The following IFT46 variants were observed in gnomAD, a reference collection of about 807,000 sequenced individuals.
IFT46 encodes intraflagellar transport protein 46 homolog.
In IFT46, 19 loss-of-function variants were observed where a neutral mutation model predicts 39.6. The observed-to-expected ratio is 0.48, with a 90% CI of 0.33 to 0.70. The LOEUF (loss-of-function observed/expected upper bound fraction) is 0.70, where lower values mean the gene tolerates loss of function less well. Ranked by LOEUF, IFT46 falls within the 30% of genes least tolerant of loss-of-function variation. The pLI, the probability that IFT46 is intolerant of heterozygous loss-of-function variation, is 0.01. For missense variants in IFT46, 334 were observed against 364.8 expected, an observed-to-expected ratio of 0.92 and a Z score of 0.69; for synonymous variants, 117 against 134.8, an observed-to-expected ratio of 0.87 and a Z score of 0.91.
chr11:118,560,038 A>G (rs1435716074), intron 2 of IFT46, 174 bp from the exon 3 acceptor site: 25 of 597,772 alleles, frequency 4.2e-5, no homozygotes, highest in Admixed American at 3.0e-4. Flanking sequence ...GTTCAATTCA[A>G]GATATATTTA....
chr11:118,553,722 T>G (rs1360348135), intron 7 of IFT46, among the ~76,000 whole-genome samples: 1 of 152,190 alleles, frequency 6.6e-6, no homozygotes, highest in African/African-American at 2.4e-5. Flanking sequence ...CAAAGCACCA[T>G]TATTAATAAG....
chr11:118,559,821 A>G lies in IFT46; in HGVS notation c.9T>C (p.Asp3=), dbSNP rs1555070263. 6.2e-7 allele frequency: 1 copy of G among 1,613,458 alleles called. No individual in the cohort carries two copies. Among genetic ancestry groups the G allele is most frequent in the Non-Finnish European group, 8.5e-7 (1 of 1,179,478 alleles). ...CCTCTTCACACTCATCACTGCTGTT[A>G]TCAGCCATAGCCTTGTTAGGAAGAT... MA[D]NSSDECEEEN... is the part of the protein sequence containing the mutation. Residue 3 remains aspartate, a synonymous_variant, in exon 3 of 12, where the codon GAT becomes GAC. Transcript: ENST00000264021.
chr11:118,556,863 G>A (rs1555069584), intron 4 of IFT46, 43 bp downstream of exon 4: 4 of 1,466,744 alleles, frequency 2.7e-6, no homozygotes, highest in Non-Finnish European at 3.6e-6. Context: ...TTTTGAAGGA[G>A]GTATTCTGAA....
chr11:118,551,773 A>G lies in IFT46; in HGVS notation c.672+13T>C, dbSNP rs782177052. The G allele has an allele frequency of 1.2e-6, 2 of 1,609,804 alleles. No individual in the cohort carries two copies. The highest frequency in any genetic ancestry group is 3.3e-5 in the Admixed American group (2 of 59,950). On this transcript the variant is annotated intron_variant, in intron 9 of 11. Transcript: ENST00000264021. The stretch of plus-strand genomic sequence containing the variant: ...GTACTTTCTTACCCTACCTCCTGCT[A>G]CCTTCCACTCACCTTGCCCAAAAGC...
upstream of IFT46, among the ~76,000 whole-genome samples, chr11:118,570,735 G>A (rs782143508): frequency 1.3e-5 from 2 of 152,120 alleles, no homozygotes; most frequent in Non-Finnish European, 2.9e-5. Flanking sequence ...GAAACTTTGG[G>A]TAAGTCACTT....
chr11:118,570,470 T>C (rs1555072179), upstream of IFT46, among the ~76,000 whole-genome samples: 1 of 152,170 alleles, frequency 6.6e-6, no homozygotes, highest in East Asian at 1.9e-4. Flanking sequence ...ATGTAAAAGA[T>C]TGGAAATAAC....
At chr11:118,546,267 G>T in intron 9 of IFT46, 1 of 680,774 alleles carries the variant, frequency 1.5e-6, no homozygotes. Context: ...GGAGGTTGAG[G>T]TGGGCAGATC....
intron 9 of IFT46, among the ~76,000 whole-genome samples, chr11:118,547,912 A>G (rs1309920141): frequency 2.0e-5 from 3 of 149,616 alleles, no homozygotes; most frequent in African/African-American, 7.4e-5. Context: ...GCGCCCGGCT[A>G]ATTTTTTGTA....
rs112743036 is a variant in IFT46 at position 118,561,488 on chromosome 11, T to C, written c.-35-1624A>G. ...AGAAGTTAAAAAGAATAGGTGGAAC[T>C]GTCCCAAAATGTCCCTTGCTCAGAA... On this transcript the variant is annotated intron_variant, in intron 2 of 11. Transcript: ENST00000264021. 4,307 of 766,014 alleles carry C rather than the reference T, an allele frequency of 5.6e-3. 165 individuals are homozygous for C. The African/African-American group carries it at 0.063, about 11-fold the overall frequency. The allele number at this position is 766,014 out of a possible 1,614,324, so 47.5% of individuals were successfully genotyped here.
rs782769687 is a variant in IFT46, at chr11:118,552,209, C to A, written c.605+5G>T. 57 of 1,613,836 alleles carry A rather than the reference C, an allele frequency of 3.5e-5. No homozygotes were observed. Among genetic ancestry groups the A allele is most frequent in the Middle Eastern group, 1.6e-4 (1 of 6,078 alleles). ...TACTGTTGCAAAGAATGTGGTATTT[C>A]TTACCTGGTGTAGTGCACAGTCGCA... On this transcript the variant is annotated splice_donor_5th_base_variant and intron_variant, in intron 8 of 11. Coordinates refer to ENST00000264021, the MANE Select transcript of IFT46 (RefSeq NM_001168618.2).
At chr11:118,568,395 T>C (rs1258869196), upstream of IFT46, among the ~76,000 whole-genome samples, 4 of 151,642 alleles carry the variant, frequency 2.6e-5, no homozygotes, top group Non-Finnish European at 5.9e-5. Flanking sequence ...CTACTAAAAA[T>C]ACAAAAATTA....
intron 2 of IFT46, among the ~76,000 whole-genome samples, chr11:118,562,934 G>A (rs1938109007): frequency 1.3e-5 from 2 of 152,068 alleles, no homozygotes; most frequent in South Asian, 2.1e-4. Context: ...GTGTGGTGGT[G>A]TGCACCTGTA....
chr11:118,545,559 T>C, intron 10 of IFT46, 65 bp from the exon 11 acceptor site: 1 of 1,379,330 alleles, frequency 7.2e-7, no homozygotes, highest in Non-Finnish European at 1.0e-6. Context: ...GGCCCTTCTG[T>C]CTAGCACAGG....
chr11:118,570,223 T>A (rs1206561539), upstream of IFT46, among the ~76,000 whole-genome samples: 2 of 151,356 alleles, frequency 1.3e-5, no homozygotes, highest in African/African-American at 4.9e-5. Context: ...CCAGCTAATT[T>A]TTTTTTTTTT....
intron 11 of IFT46, 24 bp downstream of exon 11, chr11:118,545,385 G>A (rs1555066818): frequency 6.5e-7 from 1 of 1,535,106 alleles, no homozygotes; most frequent in African/African-American, 1.4e-5. Context: ...TACAGCTTAA[G>A]TCAACCCCTG....
In IFT46 at chr11:118,557,777, C is replaced by T. The variant is rs782400889; in HGVS notation, c.46-732G>A. 10 of 1,614,154 alleles carry T rather than the reference C, an allele frequency of 6.2e-6. 1 individual carries two copies. In the South Asian group the frequency reaches 1.1e-4, roughly 18 times the overall value. On this transcript the variant is annotated intron_variant, in intron 3 of 11. Coordinates refer to ENST00000264021, the MANE Select transcript of IFT46 (RefSeq NM_001168618.2). The stretch of plus-strand genomic sequence containing the variant: ...GGCTCTCTCTGTACCATCCCACCCT[C>T]TCAAGTACATGAGAAGGGGTCTGGT...
chr11:118,559,898 T>A, intron 2 of IFT46, 34 bp from the exon 3 acceptor site: 1 of 1,200,100 alleles, frequency 8.3e-7, no homozygotes, highest in Non-Finnish European at 1.2e-6. Context: ...AGATTATTGT[T>A]AAAATGATTT....
rs1951640352 is a variant in IFT46, at chr11:118,544,972, G to A, written c.859C>T (p.Pro287Ser). 5.0e-6 allele frequency: 8 copies of A among 1,613,664 alleles called. No homozygotes were observed. The highest frequency in any genetic ancestry group is 6.8e-6 in the Non-Finnish European group (8 of 1,179,848). Residue 287 changes from proline (P) to serine (S), a missense_variant, in exon 12 of 12, where the codon CCT (proline) becomes TCT (serine). Coordinates refer to ENST00000264021, the MANE Select transcript of IFT46 (RefSeq NM_001168618.2). Reference protein sequence around the residue: ...ALAEGKKAFTPSSNSTSQAGD... With the variant: ...ALAEGKKAFTSSSNSTSQAGD... ...GCTTGGGAGGTGGAATTGGATGAAG[G>A]AGTGAATGCTTTCTTGCCTTCAGCG...
intron 7 of IFT46, among the ~76,000 whole-genome samples, chr11:118,553,047 A>C (rs1435172461): frequency 6.6e-6 from 1 of 151,760 alleles, no homozygotes; most frequent in African/African-American, 2.4e-5. Context: ...ACACCACTGC[A>C]CTCCAGCCTG....
Sources: allele counts gnomAD v4.1 joint callset (sites outside exome capture counted in the v4.1 genomes callset), GRCh38; gene constraint gnomAD v4.1.1; transcripts MANE v1.5; gene names NCBI Gene and HGNC (gene_info 2026-07-23, HGNC 2026-07-21).